The following FAM120A variants were observed in gnomAD, a reference collection of about 807,000 sequenced individuals.
FAM120A encodes the protein family with sequence similarity 120 member A, also known as constitutive coactivator of PPAR-gamma-like protein 1.
In FAM120A, 15 loss-of-function variants were observed where a neutral mutation model predicts 109.7. The ratio of observed to expected loss-of-function variants is 0.14; its 90% CI spans 0.09 to 0.21. The LOEUF is 0.21. Among genes scored for constraint, FAM120A ranks in the 10% least tolerant of loss-of-function variants. The pLI is 1.00. For missense variants in FAM120A, 899 were observed against 1,439.3 expected, an observed-to-expected ratio of 0.62 and a Z score of 6.07; for synonymous variants, 493 against 572.8, an observed-to-expected ratio of 0.86 and a Z score of 1.99.
intron 3 of FAM120A, among the ~76,000 whole-genome samples, chr9:93,490,454 G>A (rs1460405613): frequency 6.6e-6 from 1 of 152,292 alleles, no homozygotes; most frequent in East Asian, 1.9e-4. Context: ...ATTTTAGAGA[G>A]CTTTGAAAGA....
chr9:93,499,692 A>G (rs1371606666), intron 5 of FAM120A, among the ~76,000 whole-genome samples: 6 of 152,248 alleles, frequency 3.9e-5, no homozygotes, highest in Non-Finnish European at 5.9e-5. Context: ...TGTGGAGGTT[A>G]TAAAGCACTA....
rs760368175 is a variant in FAM120A at position 93,533,448 on chromosome 9, C to T, written c.1909+1119C>T. Among the ~76,000 whole-genome samples, 3 of 152,270 alleles carry T rather than the reference C, an allele frequency of 2.0e-5. 1 individual carries two copies. Among genetic ancestry groups the T allele is most frequent in the South Asian group, 4.1e-4 (2 of 4,826 alleles). On this transcript the variant is annotated intron_variant, in intron 10 of 17. Coordinates refer to ENST00000277165, the MANE Select transcript of FAM120A (RefSeq NM_014612.5). ...ACTGTCACTGGCAGGAGGTGATGCT[C>T]GCTCTGCAGGGCTGTGAGCATCTCC...
chr9:93,456,482 ATGTT>A (rs1184859449), intron 1 of FAM120A, among the ~76,000 whole-genome samples: 2 of 152,242 alleles, frequency 1.3e-5, no homozygotes, highest in African/African-American at 4.8e-5. Flanking sequence ...GCATAATTAC[ATGTT>A]TGTATTTAGA....
intron 5 of FAM120A, among the ~76,000 whole-genome samples, chr9:93,503,444 A>G (rs1859892582): frequency 6.6e-6 from 1 of 152,222 alleles, no homozygotes; most frequent in African/African-American, 2.4e-5. Flanking sequence ...GCAGAGGAAC[A>G]TAAGTACATA....
intron 3 of FAM120A, among the ~76,000 whole-genome samples, chr9:93,478,531 C>T (rs1564316265): frequency 6.6e-6 from 1 of 152,280 alleles, no homozygotes; most frequent in African/African-American, 2.4e-5. Context: ...GGATGGAGTA[C>T]AGGGGTGAGA....
intron 7 of FAM120A, among the ~76,000 whole-genome samples, chr9:93,518,303 C>G (rs1231961322): frequency 6.6e-6 from 1 of 152,036 alleles, no homozygotes; most frequent in Admixed American, 6.5e-5. Flanking sequence ...CAAGTAGAGA[C>G]AGTGTTCATG....
At chr9:93,486,404 T>C (rs1004457715) in intron 3 of FAM120A, among the ~76,000 whole-genome samples, 2 of 152,230 alleles carry the variant, frequency 1.3e-5, no homozygotes, top group African/African-American at 4.8e-5. Flanking sequence ...AATGTTGCTA[T>C]GAACATTTGT....
At chr9:93,517,370 C>G (rs115075737) in intron 7 of FAM120A, among the ~76,000 whole-genome samples, 2,234 of 152,202 alleles carry the variant, frequency 0.015, 67 homozygotes, top group African/African-American at 0.05. Context: ...TAACCTCTAG[C>G]AAGATAATAT....
In FAM120A at chr9:93,452,718, A is replaced by G. The variant is rs1262128382; in HGVS notation, c.474+329A>G. 1.9e-6 allele frequency: 3 copies of G among 1,598,368 alleles called. No homozygotes were observed. Among genetic ancestry groups the G allele is most frequent in the Admixed American group, 3.3e-5 (2 of 60,000 alleles). On this transcript the variant is annotated intron_variant, in intron 1 of 17. Coordinates refer to ENST00000277165, the MANE Select transcript of FAM120A (RefSeq NM_014612.5). The surrounding 1 kb of genome is among the most constrained non-coding windows in gnomAD (Gnocchi z 7.0). ...TCCTTAGTTTTTCCCATCCTATTTG[A>G]GGCGGGCAGGCTATCACTCACCTTC...
intron 1 of FAM120A, among the ~76,000 whole-genome samples, chr9:93,456,969 C>T (rs6479485): frequency 0.55 from 82,933 of 152,036 alleles, 23,266 homozygotes; most frequent in African/African-American, 0.66. Context: ...AAACTAGTCA[C>T]TGTATATATT....
At chr9:93,563,107 T>C (rs1038054397) in intron 17 of FAM120A, among the ~76,000 whole-genome samples, 2 of 152,172 alleles carry the variant, frequency 1.3e-5, no homozygotes, top group African/African-American at 4.8e-5. Flanking sequence ...TAGGAGAGTA[T>C]GTGGGGACCC....
intron 16 of FAM120A, among the ~76,000 whole-genome samples, 162 bp downstream of exon 16, chr9:93,561,412 C>T (rs2131574737): frequency 6.6e-6 from 1 of 152,006 alleles, no homozygotes; most frequent in African/African-American, 2.4e-5. Context: ...ATTTATTTAT[C>T]TTAAGATGGG....
At position 93,497,884 on chromosome 9, in the gene FAM120A, A is replaced by G. The variant is rs553435435; in HGVS notation, c.933+285A>G. Among the ~76,000 whole-genome samples the G allele has an allele frequency of 2.6e-5, 4 of 152,364 alleles. 1 individual carries two copies. Among genetic ancestry groups the G allele is most frequent in the African/African-American group, 7.2e-5 (3 of 41,592 alleles). On this transcript the variant is annotated intron_variant, in intron 4 of 17. Transcript: ENST00000277165. Reference sequence around the variant, plus strand: ...AGACGGTTGGTGAGGTCTCCTGCTCATAAGTTCTCGATCTTAACTTAATAG... The same window carrying G: ...AGACGGTTGGTGAGGTCTCCTGCTCGTAAGTTCTCGATCTTAACTTAATAG...
intron 8 of FAM120A, among the ~76,000 whole-genome samples, chr9:93,527,609 A>G (rs372786433): frequency 1.4e-5 from 1 of 72,028 alleles, no homozygotes; most frequent in African/African-American, 4.2e-5. Context: ...AAATTTTTGT[A>G]TTTAATTTTT....
intron 5 of FAM120A, among the ~76,000 whole-genome samples, chr9:93,501,379 T>C (rs1859793639): frequency 6.6e-6 from 1 of 152,230 alleles, no homozygotes; most frequent in South Asian, 2.1e-4. Flanking sequence ...TCAAGTGCTT[T>C]TGTGTTCTTA....
At chr9:93,493,349 A>G (rs1352281391) in intron 3 of FAM120A, among the ~76,000 whole-genome samples, 1 of 152,194 alleles carries the variant, frequency 6.6e-6, no homozygotes, top group Admixed American at 6.5e-5. Flanking sequence ...CTTCCCATCC[A>G]TATCAAACAC....
chr9:93,495,645 C>A (rs895959611), intron 3 of FAM120A, among the ~76,000 whole-genome samples: 8 of 152,168 alleles, frequency 5.3e-5, no homozygotes, highest in African/African-American at 1.9e-4. Flanking sequence ...AAAATACTTT[C>A]AAATGCTATG....
At chr9:93,547,287 C>T (rs1861922044) in intron 11 of FAM120A, among the ~76,000 whole-genome samples, 1 of 152,184 alleles carries the variant, frequency 6.6e-6, no homozygotes, top group Non-Finnish European at 1.5e-5. Context: ...AAAAACTTGA[C>T]TTAAATCAGT....
intron 3 of FAM120A, among the ~76,000 whole-genome samples, chr9:93,478,821 C>T (rs1316992828): frequency 6.6e-6 from 1 of 152,126 alleles, no homozygotes; most frequent in Non-Finnish European, 1.5e-5. Flanking sequence ...TATGCAGCAC[C>T]ATTTCAGTGA....
Sources: gnomAD v4.1 joint callset for allele counts (sites outside exome capture counted in the v4.1 genomes callset) on GRCh38, gnomAD v4.1.1 for gene constraint, Gnocchi (gnomAD v3.1) non-coding constraint, MANE v1.5 for transcripts, NCBI Gene and HGNC (gene_info 2026-07-23, HGNC 2026-07-21) for gene names.